Variants in ADGRL2 observed in about 807,000 individuals in gnomAD.
The protein encoded by ADGRL2 is calcium-independent alpha-latrotoxin receptor 2.
A neutral mutation model predicts 157.4 loss-of-function variants in ADGRL2; 44 were observed. The observed-to-expected ratio is 0.28, with a 90% CI of 0.22 to 0.36. The LOEUF is 0.36. Among genes scored for constraint, ADGRL2 ranks in the 10% least tolerant of loss-of-function variants. The pLI is 1.00. For missense variants in ADGRL2, 1,510 were observed against 1,768.9 expected (o/e 0.85, Z 2.63); for synonymous variants, 585 against 624.7 (o/e 0.94, Z 0.95).
At chr1:81,786,811 C>G in intron 2 of ADGRL2, among the ~76,000 whole-genome samples, 1 of 152,140 alleles carries the variant, frequency 6.6e-6, no homozygotes, top group East Asian at 1.9e-4. Context: ...TTAACTACAT[C>G]TATTAAACTG....
chr1:81,913,709 CT>C (rs1437761703), intron 3 of ADGRL2, among the ~76,000 whole-genome samples: 1 of 152,072 alleles, frequency 6.6e-6, no homozygotes, highest in Non-Finnish European at 1.5e-5. Context: ...TATATTCTCA[CT>C]TTTAAAAAAA....
chr1:81,721,035 T>C (rs1299789151), intron 1 of ADGRL2, among the ~76,000 whole-genome samples: 2 of 84,954 alleles, frequency 2.4e-5, no homozygotes, highest in East Asian at 2.4e-4. Context: ...AACAATTTCC[T>C]TTTTTTTTTT....
At chr1:81,933,643 A>C (rs1907675) in intron 3 of ADGRL2, among the ~76,000 whole-genome samples, 22,067 of 152,184 alleles carry the variant, frequency 0.15, 2,720 homozygotes, top group East Asian at 0.63. Context: ...TATCAACAGC[A>C]TATTGTTAAG....
chr1:81,731,808 C>A (rs369240756), intron 1 of ADGRL2, among the ~76,000 whole-genome samples: 2 of 152,214 alleles, frequency 1.3e-5, no homozygotes, highest in African/African-American at 4.8e-5. Context: ...CATTAATTTA[C>A]CCATTAAAGA....
At chr1:81,655,145 C>G (rs922293986) in intron 3 of ADGRL2, among the ~76,000 whole-genome samples, 1 of 152,142 alleles carries the variant, frequency 6.6e-6, no homozygotes, top group Non-Finnish European at 1.5e-5. Flanking sequence ...ACTACGGGCG[C>G]ATGCCACCAC....
chr1:81,950,162 A>T, intron 6 of ADGRL2, 27 bp from the exon 7 acceptor site: 1 of 1,600,880 alleles, frequency 6.2e-7, no homozygotes, highest in African/African-American at 1.3e-5. Flanking sequence ...TGTGTTTGAG[A>T]TTAATATACT....
At chr1:81,836,468 T>G (rs2092287149) in intron 1 of ADGRL2, among the ~76,000 whole-genome samples, 1 of 152,112 alleles carries the variant, frequency 6.6e-6, no homozygotes, top group African/African-American at 2.4e-5. Flanking sequence ...GCAAATGACC[T>G]GGTCTCATGT....
intron 2 of ADGRL2, among the ~76,000 whole-genome samples, chr1:81,456,322 T>C (rs2077806027): frequency 6.6e-6 from 1 of 152,144 alleles, no homozygotes; most frequent in Non-Finnish European, 1.5e-5. Context: ...TGGGCTCAAG[T>C]GATGCTCCAT....
chr1:81,430,175 G>C (rs975521584), intron 1 of ADGRL2, among the ~76,000 whole-genome samples: 1 of 152,204 alleles, frequency 6.6e-6, no homozygotes, highest in African/African-American at 2.4e-5. Context: ...TTACAGGCGT[G>C]AGCCACTGCA....
chr1:81,309,374 A>G (rs1022760879), intron 1 of ADGRL2, among the ~76,000 whole-genome samples: 1 of 152,278 alleles, frequency 6.6e-6, no homozygotes, highest in African/African-American at 2.4e-5. Context: ...TTTCAAAGAT[A>G]AAGAGAGGTA....
rs569053304 is a variant in ADGRL2, at chr1:81,386,157, C to G, written c.-301-58879C>G. Reference sequence around the variant, plus strand: ...TCTTTACCATAAAAAATGACAAGTACAAGGTCAAATTCAAAGGTAATCTAA... The same window carrying G: ...TCTTTACCATAAAAAATGACAAGTAGAAGGTCAAATTCAAAGGTAATCTAA... On this transcript the variant is annotated intron_variant, in intron 1 of 24. Transcript: ENST00000370721. 9.2e-5 allele frequency among the ~76,000 whole-genome samples: 14 copies of G among 152,216 alleles called. No individual in the cohort carries two copies. In the South Asian group the frequency reaches 2.9e-3, roughly 32 times the overall value.
chr1:81,981,233 A>G (rs1661589915), intron 18 of ADGRL2: 1 of 229,202 alleles, frequency 4.4e-6, no homozygotes, highest in African/African-American at 2.4e-5. Flanking sequence ...TTTTCTTCTT[A>G]AGCTGTTCAT....
At chr1:81,308,105 GT>G (rs1480499587) in intron 1 of ADGRL2, among the ~76,000 whole-genome samples, 1 of 152,102 alleles carries the variant, frequency 6.6e-6, no homozygotes, top group Non-Finnish European at 1.5e-5. Context: ...ATAGCAGTGG[GT>G]AATAAAAGAC....
intron 1 of ADGRL2, among the ~76,000 whole-genome samples, chr1:81,397,469 G>A (rs189658660): frequency 7.1e-4 from 107 of 151,704 alleles, no homozygotes; most frequent in Non-Finnish European, 9.7e-4. Context: ...AGAGGCGCCC[G>A]CCACCACGCC....
chr1:81,895,691 G>T (rs1171836523), intron 2 of ADGRL2, among the ~76,000 whole-genome samples: 1 of 152,048 alleles, frequency 6.6e-6, no homozygotes, highest in Non-Finnish European at 1.5e-5. Context: ...CACCGCCCCA[G>T]ACCTGAAAGT....
At chr1:81,756,520 G>C (rs115376587) in intron 1 of ADGRL2, among the ~76,000 whole-genome samples, 1 of 152,134 alleles carries the variant, frequency 6.6e-6, no homozygotes, top group African/African-American at 2.4e-5. Context: ...GGGTAGATGT[G>C]AGGGTGCAGG....
intron 2 of ADGRL2, among the ~76,000 whole-genome samples, chr1:81,791,071 A>AC (rs2087318448): frequency 6.7e-6 from 1 of 149,860 alleles, no homozygotes; most frequent in Non-Finnish European, 1.5e-5. Context: ...TATCTCAAAA[A>AC]AAAAAAAAAA....
chr1:81,931,421 A>G (rs531674524), intron 3 of ADGRL2, among the ~76,000 whole-genome samples: 32 of 152,290 alleles, frequency 2.1e-4, no homozygotes, highest in African/African-American at 7.2e-4. Flanking sequence ...AAGGTCTTTA[A>G]AATTGTAGTC....
In ADGRL2 at chr1:81,943,360, T is replaced by C; in HGVS notation, c.801T>C (p.Asp267=). 2 of 1,613,700 alleles carry C rather than the reference T, an allele frequency of 1.2e-6. No individual in the cohort carries two copies. Among genetic ancestry groups the C allele is most frequent in the Non-Finnish European group, 1.7e-6 (2 of 1,179,746 alleles). Residue 267 remains aspartate (D), a synonymous_variant, in exon 6 of 24, where the codon GAT becomes GAC. Transcript: ENST00000686636. The surrounding 1 kb of genome is among the most constrained non-coding windows in gnomAD (Gnocchi z 5.6). ...CATACAGATGGGGAGGAAAGACTGATATCGACCTAGCAGTTGATGAAAATG... is the reference window on the plus strand; with the variant it reads ...CATACAGATGGGGAGGAAAGACTGACATCGACCTAGCAGTTGATGAAAATG... ...TSPYRWGGKT[D]IDLAVDENGL...
Sources: allele counts gnomAD v4.1 joint callset (sites outside exome capture counted in the v4.1 genomes callset), GRCh38; gene constraint gnomAD v4.1.1; non-coding constraint Gnocchi (gnomAD v3.1); transcripts MANE v1.5; gene names NCBI Gene and HGNC (gene_info 2026-07-23, HGNC 2026-07-21).